Variants in THADA observed in about 807,000 individuals in gnomAD.
The protein encoded by THADA is tRNA (32-2'-O)-methyltransferase regulator THADA.
A neutral mutation model predicts 219.8 loss-of-function variants in THADA; 213 were observed. The observed-to-expected ratio is 0.97, with a 90% CI of 0.87 to 1.09. The LOEUF is 1.09. Ranked by LOEUF, THADA falls within the 50% of genes least tolerant of loss-of-function variation. THADA has a pLI of 0.00. For missense variants in THADA, 2,956 were observed against 2,311.3 expected, an observed-to-expected ratio of 1.28 and a Z score of -5.72; for synonymous variants, 1,018 against 828.9, an observed-to-expected ratio of 1.23 and a Z score of -3.92.
intron 21 of THADA, among the ~76,000 whole-genome samples, chr2:43,530,443 A>T (rs1693720114): frequency 6.6e-6 from 1 of 152,200 alleles, no homozygotes; most frequent in South Asian, 2.1e-4. Context: ...AGCTTAAAAA[A>T]ATAATACTAA....
At chr2:43,463,267 T>C (rs1274871613) in intron 26 of THADA, 1 of 152,188 alleles carries the variant, frequency 6.6e-6, no homozygotes, top group Non-Finnish European at 1.5e-5. Context: ...TACACAAAGG[T>C]ATCAGAAAGA....
chr2:43,238,833 C>T (rs1180822461), intron 36 of THADA, among the ~76,000 whole-genome samples: 2 of 151,950 alleles, frequency 1.3e-5, no homozygotes, highest in African/African-American at 2.4e-5. Context: ...AGACAAACAC[C>T]CAGGCAACAG....
intron 30 of THADA, among the ~76,000 whole-genome samples, chr2:43,334,753 C>T (rs1290740113): frequency 2.0e-5 from 3 of 150,526 alleles, no homozygotes; most frequent in Admixed American, 6.6e-5. Flanking sequence ...CCAGCCTGGG[C>T]GACAGAGCGA....
At chr2:43,357,624 A>T (rs1669016767) in intron 29 of THADA, among the ~76,000 whole-genome samples, 1 of 152,232 alleles carries the variant, frequency 6.6e-6, no homozygotes. Context: ...AGAAATGACC[A>T]ATACGGGACC....
At chr2:43,477,404 A>T (rs528140153) in intron 26 of THADA, among the ~76,000 whole-genome samples, 2 of 152,350 alleles carry the variant, frequency 1.3e-5, no homozygotes, top group African/African-American at 2.4e-5. Context: ...CAGCATTTCT[A>T]GTCAGTGAAT....
intron 26 of THADA, among the ~76,000 whole-genome samples, chr2:43,446,032 C>T (rs923061253): frequency 4.6e-5 from 7 of 152,178 alleles, no homozygotes; most frequent in African/African-American, 9.7e-5. Flanking sequence ...ATTTCCACTC[C>T]TTTACACAGT....
intron 21 of THADA, among the ~76,000 whole-genome samples, chr2:43,534,364 A>AAT (rs562753105): frequency 3.4e-4 from 52 of 151,892 alleles, no homozygotes; most frequent in Non-Finnish European, 5.7e-4. Context: ...TGGAATTATT[A>AAT]ATATATATAT....
intron 36 of THADA, chr2:43,233,091 C>T (rs1258031917): frequency 3.5e-6 from 2 of 574,332 alleles, no homozygotes. Flanking sequence ...TAGGCCTGAA[C>T]CCACTGTTTC....
chr2:43,291,683 G>T lies in THADA; in HGVS notation c.5010+13C>A. 6.5e-7 allele frequency: 1 copy of T among 1,537,914 alleles called. No homozygotes were observed. Among genetic ancestry groups the T allele is most frequent in the African/African-American group, 1.4e-5 (1 of 72,790 alleles). ...AATCCTAGGTCCCGGAACAAGATCA[G>T]AACCAGCCTTACCTCCACACATGTC... is the stretch of plus-strand genomic sequence containing the variant. On this transcript the variant is annotated intron_variant, in intron 34 of 37. Coordinates refer to ENST00000405975, the MANE Select transcript of THADA (RefSeq NM_022065.5).
At chr2:43,566,225 T>C (rs1031406643) in intron 15 of THADA, 13 of 447,702 alleles carry the variant, frequency 2.9e-5, no homozygotes, top group African/African-American at 4.1e-5. Context: ...TAAATCAGAA[T>C]ACTTGGAAAT....
chr2:43,344,083 C>T (rs768113379), intron 30 of THADA, 39 bp downstream of exon 30: 3 of 1,425,136 alleles, frequency 2.1e-6, no homozygotes, highest in Non-Finnish European at 2.9e-6. Context: ...GTATTCCTAA[C>T]CCCTGATAAC....
At chr2:43,385,531 C>T (rs377247263) in intron 29 of THADA, among the ~76,000 whole-genome samples, 8 of 148,722 alleles carry the variant, frequency 5.4e-5, no homozygotes, top group African/African-American at 1.5e-4. Context: ...GGCGTGAACC[C>T]GGAAGGCGGA....
At position 43,287,108 on chromosome 2, in the gene THADA, G is replaced by C. The variant is rs1251769726; in HGVS notation, c.5011-47C>G. Reference sequence around the variant, plus strand: ...ATCAGTAGTTCAGAAGATGCAACAAGGGCTGACACAGAATTAGGGGTGACC... The same window carrying C: ...ATCAGTAGTTCAGAAGATGCAACAACGGCTGACACAGAATTAGGGGTGACC... On this transcript the variant is annotated intron_variant, in intron 34 of 37. Transcript: ENST00000405975. 3.9e-6 allele frequency: 6 copies of C among 1,556,414 alleles called. No individual in the cohort carries two copies. In the African/African-American group the frequency reaches 6.8e-5, roughly 18 times the overall value.
intron 31 of THADA, among the ~76,000 whole-genome samples, chr2:43,308,885 G>C (rs1677183892): frequency 6.6e-6 from 1 of 151,384 alleles, no homozygotes; most frequent in Non-Finnish European, 1.5e-5. Flanking sequence ...AAGAAGTTTT[G>C]AGGGAGCATC....
At chr2:43,424,415 T>C (rs138405668) in intron 28 of THADA, among the ~76,000 whole-genome samples, 1 of 152,232 alleles carries the variant, frequency 6.6e-6, no homozygotes, top group Non-Finnish European at 1.5e-5. Context: ...CCCTTCCAAG[T>C]ACATAAATTA....
At chr2:43,458,203 C>A (rs930178724) in intron 26 of THADA, among the ~76,000 whole-genome samples, 1 of 152,160 alleles carries the variant, frequency 6.6e-6, no homozygotes. Context: ...AGAGTCATCA[C>A]TAAAATATTA....
chr2:43,567,470 T>C (rs1698820637), intron 14 of THADA, among the ~76,000 whole-genome samples: 1 of 151,808 alleles, frequency 6.6e-6, no homozygotes, highest in South Asian at 2.1e-4. Flanking sequence ...CTACTAAAAA[T>C]ACAAAAATTA....
At chr2:43,564,446 C>T (rs367718228) in intron 15 of THADA, 3 of 152,298 alleles carry the variant, frequency 2.0e-5, no homozygotes, top group East Asian at 1.9e-4. Flanking sequence ...CCTACGCTGT[C>T]GCACTGCCTC....
intron 22 of THADA, among the ~76,000 whole-genome samples, chr2:43,514,647 TATATATATTGTATATA>T (rs1163051181): frequency 1.2e-5 from 1 of 82,910 alleles, no homozygotes; most frequent in Non-Finnish European, 2.1e-5. Flanking sequence ...TTATATATAA[TATATATATTGTATATA>T]ATAATATATA....
Sources: gnomAD v4.1 joint callset for allele counts (sites outside exome capture counted in the v4.1 genomes callset) on GRCh38, gnomAD v4.1.1 for gene constraint, MANE v1.5 for transcripts, NCBI Gene and HGNC (gene_info 2026-07-23, HGNC 2026-07-21) for gene names.